The following NCF2 variants were observed in gnomAD, a reference collection of about 807,000 sequenced individuals.
NCF2 encodes the protein neutrophil cytosolic factor 2, also known as neutrophil cytosol factor 2.
NCF2 carries 45 observed loss-of-function variants against 70.9 expected under a neutral mutation model. The ratio of observed to expected loss-of-function variants is 0.63; its 90% CI spans 0.50 to 0.81. The LOEUF is 0.81. Ranked by LOEUF, NCF2 falls within the 40% of genes least tolerant of loss-of-function variation. The pLI is 0.00. For missense variants in NCF2, 522 were observed against 631.6 expected (o/e 0.83, Z 1.86); for synonymous variants, 203 against 233.6 (o/e 0.87, Z 1.19).
chr1:183,599,457 T>TC, the NCF2 span, among the ~76,000 whole-genome samples: 11 of 133,938 alleles, frequency 8.2e-5, no homozygotes, highest in Non-Finnish European at 1.8e-4. Flanking sequence ...TTTCTTTCTT[T>TC]CTTTCTTTCT....
At chr1:183,590,026 TA>T in intron 1 of NCF2, 129 bp downstream of exon 1, 1 of 1,384,608 alleles carries the variant, frequency 7.2e-7, no homozygotes, top group Non-Finnish European at 1.0e-6. Flanking sequence ...TCAGGCTGTC[TA>T]GGGGTGGAGC....
intron 2 of NCF2, among the ~76,000 whole-genome samples, chr1:183,581,626 G>A (rs1398679176): frequency 6.6e-6 from 1 of 151,162 alleles, no homozygotes; most frequent in African/African-American, 2.4e-5. Context: ...ACTGCACAGG[G>A]CCTAATTAAT....
intron 2 of NCF2, among the ~76,000 whole-genome samples, chr1:183,584,199 A>G (rs144224639): frequency 1.7e-3 from 259 of 152,332 alleles, no homozygotes; most frequent in Admixed American, 3.5e-3. Flanking sequence ...TCATATCTAT[A>G]GCCCCTGAAT....
intron 2 of NCF2, among the ~76,000 whole-genome samples, chr1:183,578,029 T>A (rs1275208388): frequency 6.6e-6 from 1 of 152,182 alleles, no homozygotes; most frequent in Non-Finnish European, 1.5e-5. Context: ...GATGCAGCTC[T>A]CATTCTCTCT....
intron 13 of NCF2, among the ~76,000 whole-genome samples, chr1:183,561,225 C>T (rs1672033519): frequency 6.6e-6 from 1 of 152,194 alleles, no homozygotes; most frequent in Non-Finnish European, 1.5e-5. Flanking sequence ...TTTAACAAAT[C>T]AACATTAGAA....
At chr1:183,562,825 A>G (rs1045897698) in intron 13 of NCF2, among the ~76,000 whole-genome samples, 5 of 146,144 alleles carry the variant, frequency 3.4e-5, no homozygotes, top group African/African-American at 1.3e-4. Flanking sequence ...CTCCATCTCA[A>G]AAAAAAAAAA....
At chr1:183,566,108 G>A (rs908584321) in intron 9 of NCF2, among the ~76,000 whole-genome samples, 2 of 152,214 alleles carry the variant, frequency 1.3e-5, no homozygotes, top group Non-Finnish European at 1.5e-5. Flanking sequence ...ACTGCAGAGG[G>A]CATTGAGAAA....
chr1:183,582,966 T>TG lies in NCF2; in HGVS notation c.257+3928dup, dbSNP rs1190867865. ...AGAGCAACACAAAAACATACGAAAG[T>TG]GGGGAAAATAGAGGGAAATAGAGGG... On this transcript the variant is annotated intron_variant, in intron 2 of 14. Transcript: ENST00000367535. 4.6e-5 allele frequency among the ~76,000 whole-genome samples: 7 copies of TG among 152,064 alleles called. No homozygotes were observed. In the South Asian group the frequency reaches 1.2e-3, roughly 27 times the overall value.
intron 14 of NCF2, among the ~76,000 whole-genome samples, chr1:183,558,890 C>G (rs1671912463): frequency 6.6e-6 from 1 of 152,054 alleles, no homozygotes; most frequent in Non-Finnish European, 1.5e-5. Flanking sequence ...AAAATTTCCC[C>G]CTCTCTTTGT....
chr1:183,566,906 T>G lies in NCF2; in HGVS notation c.924+14A>C. On this transcript the variant is annotated intron_variant, in intron 9 of 14. Coordinates refer to ENST00000367535, the MANE Select transcript of NCF2 (RefSeq NM_000433.4). Reference sequence around the variant, plus strand: ...GGGTGAGAGGAAATGGGTCAGGCCTTGGCATCACATTACCTGGGGCTGCTG... The same window carrying G: ...GGGTGAGAGGAAATGGGTCAGGCCTGGGCATCACATTACCTGGGGCTGCTG... 1 of 1,613,624 alleles carries G rather than the reference T, an allele frequency of 6.2e-7. No individual in the cohort carries two copies. Among genetic ancestry groups the G allele is most frequent in the South Asian group, 1.1e-5 (1 of 91,036 alleles).
intron 13 of NCF2, 92 bp downstream of exon 13, chr1:183,563,103 G>A: frequency 8.9e-7 from 1 of 1,120,602 alleles, no homozygotes. Context: ...CACATATAGT[G>A]CCTAGTACAC....
intron 3 of NCF2, among the ~76,000 whole-genome samples, chr1:183,576,420 G>A (rs989152013): frequency 6.6e-6 from 1 of 152,184 alleles, no homozygotes; most frequent in Non-Finnish European, 1.5e-5. Flanking sequence ...TGGCTTATTA[G>A]CAATGTCTGG....
chr1:183,563,552 G>T lies in NCF2; in HGVS notation c.1060C>A (p.Leu354Ile). The change falls in exon 12 of 15, where the codon CTC (leucine) becomes ATC (isoleucine). Residue 354 changes from leucine to isoleucine, a missense_variant. Leu to Ile is a conservative substitution (Grantham distance 5). Transcript: ENST00000367535. ...VKLSVPMPYTLKVHYKYTVVM... is the reference protein window; with the variant it reads ...VKLSVPMPYTIKVHYKYTVVM... ...ACCGTGTACTTGTAGTGCACCTTGAGTGTGTAGGGCATGGGAACACTGAGC... is the reference window on the plus strand; with the variant it reads ...ACCGTGTACTTGTAGTGCACCTTGATTGTGTAGGGCATGGGAACACTGAGC... 6.2e-7 allele frequency: 1 copy of T among 1,614,020 alleles called. No homozygotes were observed. The highest frequency in any genetic ancestry group is 8.5e-7 in the Non-Finnish European group (1 of 1,180,030).
chr1:183,578,321 A>G (rs1265576236), intron 2 of NCF2, among the ~76,000 whole-genome samples: 1 of 152,118 alleles, frequency 6.6e-6, no homozygotes, highest in Non-Finnish European at 1.5e-5. Flanking sequence ...GAAAAGAAAA[A>G]AAAACAACCA....
the NCF2 span, among the ~76,000 whole-genome samples, chr1:183,600,340 A>G: frequency 6.6e-6 from 1 of 152,232 alleles, no homozygotes; most frequent in Non-Finnish European, 1.5e-5. Context: ...CTTAGGCTGC[A>G]TTAACAGAAG....
At chr1:183,565,135 A>AATCT (rs1296471719) in intron 10 of NCF2, among the ~76,000 whole-genome samples, 2 of 152,162 alleles carry the variant, frequency 1.3e-5, no homozygotes, top group East Asian at 3.9e-4. Flanking sequence ...ATTGATCTAG[A>AATCT]ATCTGGCCAA....
intron 11 of NCF2, 69 bp downstream of exon 11, chr1:183,563,936 T>C: frequency 2.0e-6 from 3 of 1,501,946 alleles, no homozygotes; most frequent in Admixed American, 1.7e-5. Context: ...CAGACAGACA[T>C]GTCTGTGGTT....
At chr1:183,598,523 G>T in the NCF2 span, among the ~76,000 whole-genome samples, 1 of 151,950 alleles carries the variant, frequency 6.6e-6, no homozygotes, top group Admixed American at 6.6e-5. Flanking sequence ...CCAAATGCTT[G>T]GCAGAGATCA....
At position 183,574,564 on chromosome 1, in the gene NCF2, C is replaced by T; in HGVS notation, c.424G>A (p.Glu142Lys). ...AKKEEWKKAEEQLALATSMKS... is the reference protein window; with the variant it reads ...AKKEEWKKAEKQLALATSMKS... ...ATGCTCGTGGCCAATGCTAACTGTT[C>T]TTCAGCTTTTTTCCATTCCTCCTTC... Residue 142 changes from glutamate to lysine, a missense_variant, in exon 4 of 15, where the codon GAA becomes AAA. Physicochemically the swap from Glu to Lys is moderately conservative, Grantham distance 56. Coordinates refer to ENST00000367535, the MANE Select transcript of NCF2 (RefSeq NM_000433.4). 1 of 1,614,190 alleles carries T rather than the reference C, an allele frequency of 6.2e-7. No individual in the cohort carries two copies. Among genetic ancestry groups the T allele is most frequent in the Non-Finnish European group, 8.5e-7 (1 of 1,180,030 alleles).
Sources: gnomAD v4.1 joint callset for allele counts (sites outside exome capture counted in the v4.1 genomes callset) on GRCh38, gnomAD v4.1.1 for gene constraint, MANE v1.5 for transcripts, NCBI Gene and HGNC (gene_info 2026-07-23, HGNC 2026-07-21) for gene names.